TELO2: variants seen among roughly 807,000 people sequenced by gnomAD.
TELO2 encodes the protein telomere maintenance 2, also known as telomere length regulation protein TEL2 homolog.
In TELO2, 71 loss-of-function variants were observed where a neutral mutation model predicts 91.0. The ratio of observed to expected loss-of-function variants is 0.78; its 90% CI spans 0.64 to 0.95. The LOEUF (loss-of-function observed/expected upper bound fraction) is 0.95. Among genes scored for constraint, TELO2 ranks in the 40% least tolerant of loss-of-function variants. The pLI is 0.00. For missense variants in TELO2, 1,183 were observed against 1,141.3 expected (o/e 1.04, Z -0.53); for synonymous variants, 584 against 518.9 (o/e 1.13, Z -1.71).
At chr16:1,506,839 G>A in intron 17 of TELO2, 113 bp from the exon 18 acceptor site, 1 of 1,438,450 alleles carries the variant, frequency 7.0e-7, no homozygotes, top group Non-Finnish European at 9.1e-7. Flanking sequence ...CAAGGCGGTG[G>A]GCACGGGAGG....
Position 1,507,513 on chromosome 16 carries a change from G to T in TELO2, c.2292-88G>T, listed in dbSNP as rs554431763. The T allele has an allele frequency of 4.1e-6, 6 of 1,471,034 alleles. No individual in the cohort carries two copies. The African/African-American group carries it at 6.9e-5, about 17-fold the overall frequency. The allele number at this position is 1,471,034 out of a possible 1,614,324, so 91.1% of individuals were successfully genotyped here. A position where few individuals can be genotyped will look rare whatever the true frequency, so the allele number is the denominator to read the frequency against. The stretch of plus-strand genomic sequence containing the variant: ...AATAGGAAGTGTGCCAGGCAGGGCC[G>T]CAGCGTGGGTGGTCTGCCACACTGA... On this transcript the variant is annotated intron_variant, in intron 19 of 20. Coordinates refer to ENST00000262319, the MANE Select transcript of TELO2 (RefSeq NM_016111.4).
Position 1,497,053 on chromosome 16 carries a change from G to T in TELO2, c.631G>T (p.Val211Leu). The T allele has an allele frequency of 6.2e-7, 1 of 1,613,994 alleles. No homozygotes were observed. The highest frequency in any genetic ancestry group is 8.5e-7 in the Non-Finnish European group (1 of 1,179,974). Residue 211 changes from valine (V) to leucine (L), a missense_variant, in exon 4 of 21, where the codon GTG becomes TTG. Physicochemically the swap from Val to Leu is conservative, Grantham distance 32 (BLOSUM62 1). Transcript: ENST00000262319. The surrounding 1 kb of genome is among the most constrained non-coding windows in gnomAD (Gnocchi z 4.0). ...DSLQGGLDSS[V>L]SFVSQVLGKA... ...TGTCCCAGGTGGCCTGGATTCCTCC[G>T]TGTCCTTCGTGTCTCAGGTCCTTGG...
rs776646698 is a variant in TELO2, at chr16:1,502,390, A to G, written c.1639A>G (p.Thr547Ala). ...TGAGGGCCTGGTCTACAGGAGCCCC[A>G]CAGCCACTCGGGAGGTGAGTGGGGG... ...ALEGLVYRSP[T>A]ATREVSVELA... The change falls in exon 13 of 21, where the codon ACA becomes GCA. Residue 547 changes from threonine to alanine, a missense_variant. Transcript: ENST00000262319. 3.1e-6 allele frequency: 5 copies of G among 1,599,656 alleles called. No individual in the cohort carries two copies. The African/African-American group carries it at 4.0e-5, about 13-fold the overall frequency.
At chr16:1,503,636 C>A (rs986860306) in intron 15 of TELO2, among the ~76,000 whole-genome samples, 1 of 152,148 alleles carries the variant, frequency 6.6e-6, no homozygotes, top group Non-Finnish European at 1.5e-5. Context: ...GTATATCGTT[C>A]GATTTCACTT....
At position 1,502,643 on chromosome 16, in the gene TELO2, A is replaced by C. The variant is rs1209025509; in HGVS notation, c.1654-2A>C. The C allele has an allele frequency of 1.9e-6, 3 of 1,610,870 alleles. No homozygotes were observed. The East Asian group carries it at 6.7e-5, about 36-fold the overall frequency. The stretch of plus-strand genomic sequence containing the variant: ...TTTCCCAGCCCTAACCCCTGCGTGC[A>C]GGTGAGCGTGGAGCTGGCCAAGGTG... On this transcript the variant is annotated splice_acceptor_variant, in intron 13 of 20. Transcript: ENST00000262319. LOFTEE classifies it high-confidence loss of function.
intron 17 of TELO2, 180 bp downstream of exon 17, chr16:1,506,509 G>C: frequency 1.4e-6 from 2 of 1,453,928 alleles, no homozygotes; most frequent in Non-Finnish European, 1.8e-6. Flanking sequence ...ATTCCTCTGT[G>C]GTTGAGCTTT....
At position 1,497,201 on chromosome 16, in the gene TELO2, C is replaced by G. The variant is rs1297099402; in HGVS notation, c.682+97C>G. The G allele has an allele frequency of 5.2e-6, 8 of 1,541,608 alleles. No homozygotes were observed. The East Asian group carries it at 1.7e-4, about 32-fold the overall frequency. ...GAGAATCCCTCCTGACCCTGGCCCT[C>G]TGCAGGGTCCCCTTGCCCGGTCCTG... On this transcript the variant is annotated intron_variant, in intron 4 of 20. Transcript: ENST00000262319. This position sits in a 1 kb window ranked among gnomAD's most constrained non-coding sequence, Gnocchi z 4.0.
chr16:1,500,454 A>G lies in TELO2; in HGVS notation c.1110A>G (p.Gln370=), dbSNP rs778028529. Residue 370 remains glutamine (Q), a synonymous_variant, in exon 8 of 21, where the codon CAA becomes CAG. Coordinates refer to ENST00000262319, the MANE Select transcript of TELO2 (RefSeq NM_016111.4). ...VSKAVLICLA[Q]LGEPELRDSR... The stretch of plus-strand genomic sequence containing the variant: ...AGGCTGTCCTCATCTGCCTGGCGCA[A>G]CTCGGGGAGCCGGAACTGCGGGACA... The G allele has an allele frequency of 6.2e-7, 1 of 1,610,420 alleles. No individual in the cohort carries two copies. Among genetic ancestry groups the G allele is most frequent in the African/African-American group, 1.3e-5 (1 of 75,016 alleles).
chr16:1,498,004 TTCC>T (rs1232481428), intron 5 of TELO2, among the ~76,000 whole-genome samples: 2 of 151,598 alleles, frequency 1.3e-5, no homozygotes, highest in Admixed American at 1.3e-4. Flanking sequence ...CCCAAAGTAT[TTCC>T]TCCTCTTTTT....
chr16:1,496,936 C>T lies in TELO2; in HGVS notation c.614-100C>T, dbSNP rs564681639. The T allele has an allele frequency of 1.8e-4, 217 of 1,195,580 alleles. No individual in the cohort carries two copies. The African/African-American group carries it at 3.0e-3, about 16-fold the overall frequency. The allele number at this position is 1,195,580 out of a possible 1,614,324, so 74.1% of individuals were successfully genotyped here. A position where few individuals can be genotyped will look rare whatever the true frequency, so the allele number is the denominator to read the frequency against. Reference sequence around the variant, plus strand: ...CGTTGTTTTGAGTGAGTTTTGCTGTCGGTTGGAGTCCGCCTGACCGAGAGC... The same window carrying T: ...CGTTGTTTTGAGTGAGTTTTGCTGTTGGTTGGAGTCCGCCTGACCGAGAGC... On this transcript the variant is annotated intron_variant, in intron 3 of 20. Transcript: ENST00000262319.
Position 1,509,995 on chromosome 16 carries a change from G to C in TELO2, c.*59G>C. The C allele has an allele frequency of 1.4e-6, 2 of 1,447,412 alleles. No individual in the cohort carries two copies. The highest frequency in any genetic ancestry group is 1.2e-5 in the South Asian group (1 of 82,082). The allele number at this position is 1,447,412 out of a possible 1,614,324, so 89.7% of individuals were successfully genotyped here. A position where few individuals can be genotyped will look rare whatever the true frequency, so the allele number is the denominator to read the frequency against. On this transcript the variant is annotated 3_prime_UTR_variant, in exon 21 of 21. Coordinates refer to ENST00000262319, the MANE Select transcript of TELO2 (RefSeq NM_016111.4). ...ACAGCAAGGCAGGCGGCTGAGCAGC[G>C]GCCTGGAGCAGCAGAGCCAGGCTTT... is the stretch of plus-strand genomic sequence containing the variant.
Position 1,499,220 on chromosome 16 carries a change from C to T in TELO2, c.831-11C>T. On this transcript the variant is annotated splice_polypyrimidine_tract_variant and intron_variant, in intron 5 of 20. Transcript: ENST00000262319. ...CGGCTTGCAGCTCTGGCCCCTGACT[C>T]TGTCTTGCAGGCCTGAGGTCCTTTC... The T allele has an allele frequency of 6.2e-7, 1 of 1,613,876 alleles. No homozygotes were observed. Among genetic ancestry groups the T allele is most frequent in the East Asian group, 2.2e-5 (1 of 44,888 alleles).
intron 6 of TELO2, 69 bp downstream of exon 6, chr16:1,499,402 G>C: frequency 1.3e-6 from 2 of 1,544,458 alleles, no homozygotes; most frequent in Non-Finnish European, 1.8e-6. Flanking sequence ...CAAAACATGG[G>C]GTCGGAGCGG....
chr16:1,507,083 T>C (rs139797410), intron 18 of TELO2, 32 bp downstream of exon 18: 29,057 of 1,574,250 alleles, frequency 0.018, 308 homozygotes, highest in Non-Finnish European at 0.021. Context: ...GGCGCCGGCC[T>C]GTGCTAACCA....
chr16:1,501,856 G>A, intron 11 of TELO2, 83 bp downstream of exon 11: 1 of 1,489,760 alleles, frequency 6.7e-7, no homozygotes, highest in Non-Finnish European at 9.2e-7. Flanking sequence ...GCCCCGTGGG[G>A]GGCTCCCTGC....
At chr16:1,503,719 G>A (rs1326217670) in intron 15 of TELO2, among the ~76,000 whole-genome samples, 1 of 152,220 alleles carries the variant, frequency 6.6e-6, no homozygotes, top group Non-Finnish European at 1.5e-5. Context: ...GGGATGTGGA[G>A]TGAGGGTTTC....
At chr16:1,509,196 C>T (rs1285158727) in intron 20 of TELO2, among the ~76,000 whole-genome samples, 7 of 152,212 alleles carry the variant, frequency 4.6e-5, no homozygotes, top group Middle Eastern at 3.2e-3. Flanking sequence ...GGCCCTGTCC[C>T]TCAGCCGATC....
chr16:1,500,536 C>T (rs1419074181), intron 8 of TELO2, 27 bp from the exon 9 acceptor site: 5 of 1,610,502 alleles, frequency 3.1e-6, no homozygotes, highest in Non-Finnish European at 4.2e-6. Context: ...CCCCGAGGTG[C>T]TCAGGGGGCC....
At position 1,497,209 on chromosome 16, in the gene TELO2, TC is replaced by T; in HGVS notation, c.682+109del. On this transcript the variant is annotated intron_variant, in intron 4 of 20. Coordinates refer to ENST00000262319, the MANE Select transcript of TELO2 (RefSeq NM_016111.4). This position sits in a 1 kb window ranked among gnomAD's most constrained non-coding sequence, Gnocchi z 4.0. ...CTCCTGACCCTGGCCCTCTGCAGGG[TC>T]CCCTTGCCCGGTCCTGTCCTGGGCC... is the stretch of plus-strand genomic sequence containing the variant. 1 of 1,532,450 alleles carries T rather than the reference TC, an allele frequency of 6.5e-7. No individual in the cohort carries two copies. Among genetic ancestry groups the T allele is most frequent in the Non-Finnish European group, 8.8e-7 (1 of 1,130,222 alleles). The allele number at this position is 1,532,450 out of a possible 1,614,324, so 94.9% of individuals were successfully genotyped here. A position where few individuals can be genotyped will look rare whatever the true frequency, so the allele number is the denominator to read the frequency against.
Sources: gnomAD v4.1 joint callset for allele counts (sites outside exome capture counted in the v4.1 genomes callset) on GRCh38, gnomAD v4.1.1 for gene constraint, Gnocchi (gnomAD v3.1) non-coding constraint, MANE v1.5 for transcripts, NCBI Gene and HGNC (gene_info 2026-07-23, HGNC 2026-07-21) for gene names.